Variants in PAPOLA observed in about 807,000 individuals in gnomAD.
The protein encoded by PAPOLA is poly(A) polymerase alpha, also known as polynucleotide adenylyltransferase alpha.
PAPOLA carries 15 observed loss-of-function variants against 100.6 expected under a neutral mutation model. That is an observed-to-expected ratio of 0.15 (90% CI 0.10 to 0.23). PAPOLA has a LOEUF of 0.23. Ranked by LOEUF, PAPOLA falls within the 10% of genes least tolerant of loss-of-function variation. PAPOLA has a pLI of 1.00. For synonymous variants in PAPOLA, 293 were observed against 300.0 expected, an observed-to-expected ratio of 0.98 and a Z score of 0.24; for missense variants, 533 against 884.2, an observed-to-expected ratio of 0.60 and a Z score of 5.04.
chr14:96,517,332 T>C (rs1218504008), intron 1 of PAPOLA, among the ~76,000 whole-genome samples: 1 of 152,230 alleles, frequency 6.6e-6, no homozygotes, highest in Non-Finnish European at 1.5e-5. Flanking sequence ...GGATATGTGG[T>C]AAGCGTACTT....
intron 1 of PAPOLA, among the ~76,000 whole-genome samples, chr14:96,518,949 C>T (rs1023817939): frequency 1.3e-5 from 2 of 151,880 alleles, no homozygotes; most frequent in African/African-American, 4.8e-5. Flanking sequence ...CCCAGCTACT[C>T]GGGAGGCTGA....
intron 3 of PAPOLA, among the ~76,000 whole-genome samples, chr14:96,523,317 G>A (rs1898167537): frequency 6.6e-6 from 1 of 152,114 alleles, no homozygotes; most frequent in South Asian, 2.1e-4. Flanking sequence ...CTAGTCACTA[G>A]TCACCAGCCA....
Position 96,520,225 on chromosome 14 carries a change from G to A in PAPOLA, c.179G>A (p.Arg60His), listed in dbSNP as rs764473731. The A allele has an allele frequency of 6.5e-5, 105 of 1,604,160 alleles. No homozygotes were observed. Among genetic ancestry groups the A allele is most frequent in the Middle Eastern group, 1.7e-4 (1 of 6,030 alleles). Residue 60 changes from arginine to histidine, a missense_variant, in exon 2 of 22, where the codon CGC becomes CAC. This residue lies in a region of PAPOLA where 54 missense variants were observed against 133.2 expected (regional missense o/e 0.41). Coordinates refer to ENST00000216277, the MANE Select transcript of PAPOLA (RefSeq NM_032632.5). ...TTTGAAGAGGAAGAGGAACTGCAGC[G>A]CAGGTAAATAGATATTCTATATTTT... The part of the protein sequence containing the change: ...GVFEEEEELQ[R>H]RILILGKLNN...
At chr14:96,517,988 G>GA (rs1897608629) in intron 1 of PAPOLA, among the ~76,000 whole-genome samples, 1 of 152,090 alleles carries the variant, frequency 6.6e-6, no homozygotes, top group Non-Finnish European at 1.5e-5. Context: ...ACAAGTGTGA[G>GA]ACACCATGCT....
rs575976659 is a variant in PAPOLA at position 96,520,864 on chromosome 14, G to A, written c.183-142G>A. Reference sequence around the variant, plus strand: ...AGAGAGAGAAAGCGAGAGAGAGAGCGAGCGAGCGTGCACTAACTACAATAT... The same window carrying A: ...AGAGAGAGAAAGCGAGAGAGAGAGCAAGCGAGCGTGCACTAACTACAATAT... On this transcript the variant is annotated intron_variant, in intron 2 of 21. Transcript: ENST00000216277. 146 of 575,958 alleles carry A rather than the reference G, an allele frequency of 2.5e-4. 1 individual carries two copies. In the South Asian group the frequency reaches 2.7e-3, roughly 11 times the overall value. The allele number at this position is 575,958 out of a possible 1,614,324, so 35.7% of individuals were successfully genotyped here.
In PAPOLA at chr14:96,522,495, C is replaced by T. The variant is rs761894369; in HGVS notation, c.249+1423C>T. Among the ~76,000 whole-genome samples, 9 of 152,064 alleles carry T rather than the reference C, an allele frequency of 5.9e-5. No homozygotes were observed. In the Middle Eastern group the frequency reaches 0.014, roughly 230 times the overall value. On this transcript the variant is annotated intron_variant, in intron 3 of 21. Coordinates refer to ENST00000216277, the MANE Select transcript of PAPOLA (RefSeq NM_032632.5). Reference sequence around the variant, plus strand: ...GCATGATCTTAGCTAACTGTATCCTCCACCTCCCGGGCTCAGGCAATCCTC... The same window carrying T: ...GCATGATCTTAGCTAACTGTATCCTTCACCTCCCGGGCTCAGGCAATCCTC...
At chr14:96,540,769 C>G (rs1471292038) in intron 12 of PAPOLA, among the ~76,000 whole-genome samples, 1 of 152,130 alleles carries the variant, frequency 6.6e-6, no homozygotes, top group Non-Finnish European at 1.5e-5. Context: ...CAAGTTAACT[C>G]CATTGAACTT....
At chr14:96,510,097 C>G (rs771504986) in intron 1 of PAPOLA, among the ~76,000 whole-genome samples, 1 of 150,868 alleles carries the variant, frequency 6.6e-6, no homozygotes, top group African/African-American at 2.4e-5. Flanking sequence ...CTTTCTTCCT[C>G]TTTTGTTACA....
Position 96,525,293 on chromosome 14 carries a change from A to AT in PAPOLA, c.250-11dup. On this transcript the variant is annotated splice_polypyrimidine_tract_variant and intron_variant, in intron 3 of 21. Coordinates refer to ENST00000216277, the MANE Select transcript of PAPOLA (RefSeq NM_032632.5). ...CTTGTGCTCCACTGGCAAAATAACC[A>AT]TTTTTTGTTTCAACAGAATCTTCCA... 7.8e-7 allele frequency: 1 copy of AT among 1,281,734 alleles called. No individual in the cohort carries two copies. Among genetic ancestry groups the AT allele is most frequent in the Non-Finnish European group, 1.1e-6 (1 of 885,314 alleles). 79.4% of individuals were successfully genotyped at this position (1,281,734 alleles called of 1,614,324 possible). A position where few individuals can be genotyped will look rare whatever the true frequency, so the allele number is the denominator to read the frequency against.
intron 6 of PAPOLA, among the ~76,000 whole-genome samples, chr14:96,528,682 G>C (rs1036525089): frequency 6.6e-6 from 1 of 152,146 alleles, no homozygotes. Context: ...GAGCCCAGGA[G>C]CTTAAATCTA....
At chr14:96,540,411 A>G (rs1001143306) in intron 12 of PAPOLA, among the ~76,000 whole-genome samples, 2 of 128,276 alleles carry the variant, frequency 1.6e-5, no homozygotes, top group South Asian at 2.5e-4. Flanking sequence ...CATGTTCTTT[A>G]CCTTTTTTTT....
At chr14:96,545,393 C>A (rs183232961) in intron 15 of PAPOLA, among the ~76,000 whole-genome samples, 1 of 152,120 alleles carries the variant, frequency 6.6e-6, no homozygotes, top group Admixed American at 6.5e-5. Context: ...TAAATTCTGA[C>A]TGATACAAGT....
chr14:96,533,810 C>T (rs1899282439), intron 9 of PAPOLA: 1 of 815,926 alleles, frequency 1.2e-6, no homozygotes, highest in Non-Finnish European at 1.5e-6. Flanking sequence ...GCCTCGGCCT[C>T]CCATAGTGCT....
chr14:96,545,392 A>C (rs1900312036), intron 15 of PAPOLA, among the ~76,000 whole-genome samples: 1 of 152,074 alleles, frequency 6.6e-6, no homozygotes, highest in African/African-American at 2.4e-5. Context: ...ATAAATTCTG[A>C]CTGATACAAG....
chr14:96,536,608 G>A (rs1038365610), intron 11 of PAPOLA, among the ~76,000 whole-genome samples: 3 of 151,946 alleles, frequency 2.0e-5, no homozygotes, highest in African/African-American at 7.2e-5. Context: ...GGCCCATCAA[G>A]GGAAGATGCC....
intron 9 of PAPOLA, chr14:96,532,942 A>T: frequency 1.8e-6 from 2 of 1,083,892 alleles, no homozygotes; most frequent in Non-Finnish European, 2.2e-6. Context: ...AGGTTGGGAA[A>T]TCAGTTACTA....
At position 96,521,265 on chromosome 14, in the gene PAPOLA, C is replaced by T. The variant is rs893140697; in HGVS notation, c.249+193C>T. On this transcript the variant is annotated intron_variant, in intron 3 of 21. Transcript: ENST00000216277. ...GCAGGAAAAACTGAACTGAGTTAAG[C>T]GATTTTTAAAAATAAGTATAGTACT... is the stretch of plus-strand genomic sequence containing the variant. Among the ~76,000 whole-genome samples, 3 of 151,968 alleles carry T rather than the reference C, an allele frequency of 2.0e-5. No homozygotes were observed. The East Asian group carries it at 5.8e-4, about 29-fold the overall frequency.
intron 19 of PAPOLA, among the ~76,000 whole-genome samples, chr14:96,559,380 C>T (rs1202706389): frequency 6.6e-6 from 1 of 151,858 alleles, no homozygotes; most frequent in African/African-American, 2.4e-5. Context: ...ACTGGCCTCA[C>T]TCAGTAATGC....
At chr14:96,559,569 C>A (rs1409473558) in intron 19 of PAPOLA, among the ~76,000 whole-genome samples, 1 of 113,882 alleles carries the variant, frequency 8.8e-6, no homozygotes, top group Non-Finnish European at 1.8e-5. Context: ...CTCTCTCTCT[C>A]TCTCTCTCTC....
Sources: allele counts gnomAD v4.1 joint callset (sites outside exome capture counted in the v4.1 genomes callset), GRCh38; gene constraint gnomAD v4.1.1; regional missense constraint gnomAD v4.1.1; transcripts MANE v1.5; gene names NCBI Gene and HGNC (gene_info 2026-07-23, HGNC 2026-07-21).